NUDT5: variants seen among roughly 807,000 people sequenced by gnomAD.
NUDT5 encodes ADP-sugar pyrophosphatase.
A neutral mutation model predicts 34.1 loss-of-function variants in NUDT5; 21 were observed. The ratio of observed to expected loss-of-function variants is 0.62; its 90% CI spans 0.44 to 0.89. The LOEUF (loss-of-function observed/expected upper bound fraction) is 0.89. Ranked by LOEUF, NUDT5 falls within the 40% of genes least tolerant of loss-of-function variation. The pLI, the probability that NUDT5 is intolerant of heterozygous loss-of-function variation, is 0.00. For synonymous variants in NUDT5, 85 were observed against 97.6 expected, an observed-to-expected ratio of 0.87 and a Z score of 0.76; for missense variants, 249 against 274.8, an observed-to-expected ratio of 0.91 and a Z score of 0.66.
In NUDT5 at chr10:12,182,861, G is replaced by A. The variant is rs1343364463; in HGVS notation, c.131+2028C>T. On this transcript the variant is annotated intron_variant, in intron 3 of 9. Coordinates refer to ENST00000491614, the MANE Select transcript of NUDT5 (RefSeq NM_014142.4). The surrounding 1 kb of genome is among the most constrained non-coding windows in gnomAD (Gnocchi z 4.3). ...AAGCAATTCTCCTGTCTCAGCCTCC[G>A]GGGTAGCTGGGATTACAGGCGCATG... Among the ~76,000 whole-genome samples the A allele has an allele frequency of 2.0e-5, 3 of 152,054 alleles. No homozygotes were observed. Among genetic ancestry groups the A allele is most frequent in the Non-Finnish European group, 4.4e-5 (3 of 68,008 alleles).
At chr10:12,194,045 T>C (rs1200207423) in intron 1 of NUDT5, among the ~76,000 whole-genome samples, 1 of 152,178 alleles carries the variant, frequency 6.6e-6, no homozygotes, top group African/African-American at 2.4e-5. Context: ...CCCGGCTAAT[T>C]TTTGATATTT....
In NUDT5 at chr10:12,173,910, A is replaced by G. The variant is rs921136392; in HGVS notation, c.290-97T>C. On this transcript the variant is annotated intron_variant, in intron 5 of 9. Transcript: ENST00000491614. This position sits in a 1 kb window ranked among gnomAD's most constrained non-coding sequence, Gnocchi z 4.7. ...GAGATGGAGTCTCACTCTGTCGCCC[A>G]GGCTGGAGTGCAGTGGTGCGATCTC... 1 of 877,368 alleles carries G rather than the reference A, an allele frequency of 1.1e-6. No individual in the cohort carries two copies. 54.3% of individuals were successfully genotyped at this position (877,368 alleles called of 1,614,324 possible).
rs895591381 is a variant in NUDT5 at position 12,169,431 on chromosome 10, C to T, written c.550+1286G>A. ...ATTGTTCCTGTTTTATGAAAAAAGC[C>T]GAGAGAGGCTACAGAACCTGTTTGA... On this transcript the variant is annotated intron_variant, in intron 9 of 9. Transcript: ENST00000491614. This position sits in a 1 kb window ranked among gnomAD's most constrained non-coding sequence, Gnocchi z 4.8. 17 of 787,856 alleles carry T rather than the reference C, an allele frequency of 2.2e-5. No homozygotes were observed. The East Asian group carries it at 3.1e-4, about 15-fold the overall frequency. 48.8% of individuals were successfully genotyped at this position (787,856 alleles called of 1,614,324 possible). A position where few individuals can be genotyped will look rare whatever the true frequency, so the allele number is the denominator to read the frequency against.
At chr10:12,172,575 TGAATG>T in intron 7 of NUDT5, 185 bp downstream of exon 7, 1 of 597,314 alleles carries the variant, frequency 1.7e-6, no homozygotes, top group Non-Finnish European at 3.0e-6. Flanking sequence ...AGCGTAAAGA[TGAATG>T]AAGTGGCAAA....
At chr10:12,191,452 A>G (rs2131720005) in intron 1 of NUDT5, among the ~76,000 whole-genome samples, 1 of 152,096 alleles carries the variant, frequency 6.6e-6, no homozygotes, top group Non-Finnish European at 1.5e-5. Context: ...TCCCAAAACA[A>G]CTCCACATAT....
At position 12,167,667 on chromosome 10, in the gene NUDT5, C is replaced by A; in HGVS notation, c.*35G>T. On this transcript the variant is annotated 3_prime_UTR_variant, in exon 10 of 10. Coordinates refer to ENST00000491614, the MANE Select transcript of NUDT5 (RefSeq NM_014142.4). ...GTCTTAGTGAAGAAGGCCTGGTGGT[C>A]TCGTTTACAAAAATGGCCAGTGTCA... is the stretch of plus-strand genomic sequence containing the variant. 2 of 1,598,184 alleles carry A rather than the reference C, an allele frequency of 1.3e-6. No homozygotes were observed. The highest frequency in any genetic ancestry group is 2.2e-5 in the East Asian group (1 of 44,776).
At chr10:12,178,798 A>G (rs1041142474) in intron 4 of NUDT5, among the ~76,000 whole-genome samples, 1 of 152,260 alleles carries the variant, frequency 6.6e-6, no homozygotes, top group Admixed American at 6.5e-5. Flanking sequence ...TCTAGAAGTC[A>G]TAACACGTCT....
Position 12,168,741 on chromosome 10 carries a change from G to A in NUDT5, c.551-930C>T, listed in dbSNP as rs537406846. 7.2e-4 allele frequency among the ~76,000 whole-genome samples: 109 copies of A among 152,230 alleles called. No individual in the cohort carries two copies. Among genetic ancestry groups the A allele is most frequent in the African/African-American group, 2.6e-3 (106 of 41,550 alleles). On this transcript the variant is annotated intron_variant, in intron 9 of 9. Coordinates refer to ENST00000491614, the MANE Select transcript of NUDT5 (RefSeq NM_014142.4). The surrounding 1 kb of genome is among the most constrained non-coding windows in gnomAD (Gnocchi z 4.8). ...TGGTAACTGGCAGATGCTACTCTTTGTAGCAAACTGATCTTTTTTTAATTT... is the reference window on the plus strand; with the variant it reads ...TGGTAACTGGCAGATGCTACTCTTTATAGCAAACTGATCTTTTTTTAATTT...
rs766855945 is a variant in NUDT5 at position 12,169,775 on chromosome 10, C to T, written c.550+942G>A. On this transcript the variant is annotated intron_variant, in intron 9 of 9. Transcript: ENST00000491614. This position sits in a 1 kb window ranked among gnomAD's most constrained non-coding sequence, Gnocchi z 4.8. The stretch of plus-strand genomic sequence containing the variant: ...AAACAACAGACAATTCAAAACCAGG[C>T]GCTCTGCTTATTCACTGAAACCGTA... 8 of 247,934 alleles carry T rather than the reference C, an allele frequency of 3.2e-5. No homozygotes were observed. The South Asian group carries it at 7.8e-4, about 24-fold the overall frequency. 15.4% of individuals were successfully genotyped at this position (247,934 alleles called of 1,614,324 possible). A position where few individuals can be genotyped will look rare whatever the true frequency, so the allele number is the denominator to read the frequency against.
intron 3 of NUDT5, among the ~76,000 whole-genome samples, chr10:12,179,350 C>T (rs1259440062): frequency 6.6e-6 from 1 of 152,226 alleles, no homozygotes; most frequent in East Asian, 1.9e-4. Flanking sequence ...CCACCCTACA[C>T]CTCACCTTCT....
chr10:12,181,716 C>G lies in NUDT5; in HGVS notation c.132-2584G>C, dbSNP rs770174617. 8.6e-5 allele frequency among the ~76,000 whole-genome samples: 13 copies of G among 151,990 alleles called. No individual in the cohort carries two copies. Among genetic ancestry groups the G allele is most frequent in the Non-Finnish European group, 1.6e-4 (11 of 68,018 alleles). On this transcript the variant is annotated intron_variant, in intron 3 of 9. Transcript: ENST00000491614. This position sits in a 1 kb window ranked among gnomAD's most constrained non-coding sequence, Gnocchi z 5.0. ...ATATCGGGCCGGGTGTGGTGGCTCACGCCTGAAACCCCAGCACTTTGGGAG... is the reference window on the plus strand; with the variant it reads ...ATATCGGGCCGGGTGTGGTGGCTCAGGCCTGAAACCCCAGCACTTTGGGAG...
intron 3 of NUDT5, chr10:12,180,598 A>G (rs1232899376): frequency 6.6e-6 from 1 of 152,256 alleles, no homozygotes. Flanking sequence ...ACGCATTGAT[A>G]AGAAATCTCG....
intron 5 of NUDT5, among the ~76,000 whole-genome samples, chr10:12,177,100 T>A (rs1330491335): frequency 6.9e-6 from 1 of 145,856 alleles, no homozygotes. Context: ...CCAGCCTGGG[T>A]GACAGAATGA....
chr10:12,184,986 A>G, intron 2 of NUDT5, 30 bp from the exon 3 acceptor site: 1 of 1,209,502 alleles, frequency 8.3e-7, no homozygotes, highest in Non-Finnish European at 1.2e-6. Context: ...TAAGTTGGGA[A>G]ACTTTCAAAC....
At chr10:12,192,069 A>G (rs1161952355) in intron 1 of NUDT5, among the ~76,000 whole-genome samples, 1 of 152,204 alleles carries the variant, frequency 6.6e-6, no homozygotes, top group African/African-American at 2.4e-5. Context: ...AACAATACTC[A>G]ACCAAATACA....
At chr10:12,172,380 C>A (rs145084846) in intron 7 of NUDT5, 3,036 of 208,556 alleles carry the variant, frequency 0.015, 25 homozygotes, top group Non-Finnish European at 0.021. Context: ...CCTGCCTCAC[C>A]TTCCAGAGCA....
At position 12,184,923 on chromosome 10, in the gene NUDT5, T is replaced by G; in HGVS notation, c.97A>C (p.Lys33Gln). The G allele has an allele frequency of 1.3e-6, 2 of 1,599,770 alleles. No individual in the cohort carries two copies. Among genetic ancestry groups the G allele is most frequent in the Non-Finnish European group, 8.5e-7 (1 of 1,169,826 alleles). The change falls in exon 3 of 10, where the codon AAA (lysine) becomes CAA (glutamine). Residue 33 changes from lysine (K) to glutamine (Q), a missense_variant. By Grantham distance (53) the Lys-to-Gln change is moderately conservative. Transcript: ENST00000491614. ...ISEGKWVKLE[K>Q]TTYMDPTGKT... ...CCAGTAGGATCCATGTACGTTGTTT[T>G]TTCAAGCTTGACCCATTTTCCTTCT... is the stretch of plus-strand genomic sequence containing the variant.
Position 12,167,620 on chromosome 10 carries a change from A to G in NUDT5, c.*82T>C. The G allele has an allele frequency of 7.4e-7, 1 of 1,357,076 alleles. No individual in the cohort carries two copies. The highest frequency in any genetic ancestry group is 1.0e-6 in the Non-Finnish European group (1 of 962,646). 84.1% of individuals were successfully genotyped at this position (1,357,076 alleles called of 1,614,324 possible). On this transcript the variant is annotated 3_prime_UTR_variant, in exon 10 of 10. Coordinates refer to ENST00000491614, the MANE Select transcript of NUDT5 (RefSeq NM_014142.4). ...ACGAAAAAGCTAATGGCAAATCTAC[A>G]TTAAACTAAGTTGAATACAAAGTCT...
At chr10:12,186,368 T>C (rs1377436772) in intron 1 of NUDT5, 36 bp from the exon 2 acceptor site, 13 of 1,142,196 alleles carry the variant, frequency 1.1e-5, no homozygotes, top group Non-Finnish European at 1.5e-5. Flanking sequence ...GCTAAAATTA[T>C]TTTTCTGAAT....
Sources: gnomAD v4.1 joint callset for allele counts (sites outside exome capture counted in the v4.1 genomes callset) on GRCh38, gnomAD v4.1.1 for gene constraint, Gnocchi (gnomAD v3.1) non-coding constraint, MANE v1.5 for transcripts, NCBI Gene and HGNC (gene_info 2026-07-23, HGNC 2026-07-21) for gene names.